The following PUS10 variants were observed in gnomAD, a reference collection of about 807,000 sequenced individuals.
The protein encoded by PUS10 is tRNA pseudouridine synthase Pus10.
In PUS10, 59 loss-of-function variants were observed where a neutral mutation model predicts 75.0. The observed-to-expected ratio is 0.79, with a 90% CI of 0.64 to 0.98. The LOEUF (loss-of-function observed/expected upper bound fraction) is 0.98. Among genes scored for constraint, PUS10 ranks in the 50% least tolerant of loss-of-function variants. The pLI, the probability that PUS10 is intolerant of heterozygous loss-of-function variation, is 0.00. For missense variants in PUS10, 650 were observed against 614.4 expected (o/e 1.06, Z -0.61); for synonymous variants, 219 against 211.6 (o/e 1.03, Z -0.30).
chr2:60,945,142 A>T lies in PUS10; in HGVS notation c.1452-34T>A, dbSNP rs1420056807. On this transcript the variant is annotated intron_variant, in intron 16 of 17. Transcript: ENST00000316752. ...TGTTTAAGGAAAAAATGAAGACAGC[A>T]TGCTGTACCAACTATTTGGTAAGAT... 2.3e-6 allele frequency: 3 copies of T among 1,318,210 alleles called. No homozygotes were observed. In the Admixed American group the frequency reaches 5.1e-5, roughly 22 times the overall value. 81.7% of individuals were successfully genotyped at this position (1,318,210 alleles called of 1,614,324 possible).
At chr2:60,954,721 AAATT>A (rs1357147522) in intron 12 of PUS10, among the ~76,000 whole-genome samples, 1 of 152,238 alleles carries the variant, frequency 6.6e-6, no homozygotes, top group Non-Finnish European at 1.5e-5. Context: ...TTAAATGAAA[AAATT>A]AATAATCAAA....
At chr2:60,993,323 G>A (rs375752852) in intron 4 of PUS10, among the ~76,000 whole-genome samples, 31 of 152,098 alleles carry the variant, frequency 2.0e-4, no homozygotes, top group African/African-American at 6.7e-4. Context: ...CAGGTGTGGC[G>A]GCACATGGCT....
intron 3 of PUS10, among the ~76,000 whole-genome samples, chr2:61,007,056 G>A (rs2104696553): frequency 6.6e-6 from 1 of 152,178 alleles, no homozygotes; most frequent in African/African-American, 2.4e-5. Context: ...AACTAGAAAT[G>A]AACTTTTCTG....
At chr2:60,960,343 C>CA (rs375391646) in intron 11 of PUS10, 49 bp downstream of exon 11, 202,563 of 1,131,282 alleles carry the variant, frequency 0.18, 2,758 homozygotes, top group Non-Finnish European at 0.19. Flanking sequence ...GCCCCTATCT[C>CA]AAAAAAAAAA....
chr2:60,997,144 T>C lies in PUS10; in HGVS notation c.468+9413A>G, dbSNP rs868656662. Among the ~76,000 whole-genome samples the C allele has an allele frequency of 9.2e-5, 14 of 152,294 alleles. No individual in the cohort carries two copies. The South Asian group carries it at 1.7e-3, about 18-fold the overall frequency. On this transcript the variant is annotated intron_variant, in intron 4 of 17. Transcript: ENST00000316752. ...GTTACCTTTGATAAGATAGAGTGGATTGCTGCATGAACACACTCATTTCCT... is the reference window on the plus strand; with the variant it reads ...GTTACCTTTGATAAGATAGAGTGGACTGCTGCATGAACACACTCATTTCCT...
rs1180121721 is a variant in PUS10, at chr2:60,948,081, C to G, written c.1413G>C (p.Glu471Asp). The change falls in exon 16 of 18, where the codon GAG becomes GAC. Residue 471 changes from glutamate to aspartate, a missense_variant. Transcript: ENST00000316752. The stretch of plus-strand genomic sequence containing the variant: ...TTTTCAAGTGGAGGCGGAAGTGGTG[C>G]TCATCCACGTACTGTGTCTCCATGA... ...IHFMETQYVD[E>D]HHFRLHLKTQ... 1.9e-5 allele frequency: 31 copies of G among 1,614,130 alleles called. No individual in the cohort carries two copies. The highest frequency in any genetic ancestry group is 2.6e-5 in the Non-Finnish European group (31 of 1,180,006).
chr2:60,971,646 A>G, intron 4 of PUS10, 89 bp from the exon 5 acceptor site: 1 of 1,214,988 alleles, frequency 8.2e-7, no homozygotes, highest in Non-Finnish European at 1.2e-6. Flanking sequence ...GAAGTGCTTA[A>G]CTATTTGCTA....
At chr2:60,956,869 G>T (rs1274957994) in intron 11 of PUS10, among the ~76,000 whole-genome samples, 1 of 151,114 alleles carries the variant, frequency 6.6e-6, no homozygotes, top group Non-Finnish European at 1.5e-5. Context: ...CAGCTACTTG[G>T]GAGGCTGAGG....
chr2:61,015,163 T>C (rs1679884929), intron 1 of PUS10, among the ~76,000 whole-genome samples: 1 of 152,136 alleles, frequency 6.6e-6, no homozygotes, highest in South Asian at 2.1e-4. Context: ...CTCCAGGGTA[T>C]TTTCAAGAAA....
At chr2:60,946,037 A>C (rs377671547) in intron 16 of PUS10, among the ~76,000 whole-genome samples, 14 of 152,184 alleles carry the variant, frequency 9.2e-5, no homozygotes, top group East Asian at 7.7e-4. Flanking sequence ...ACCTTTGCCA[A>C]ATGTTTTGAC....
intron 4 of PUS10, among the ~76,000 whole-genome samples, chr2:60,990,943 G>C (rs1482519721): frequency 6.6e-6 from 1 of 152,096 alleles, no homozygotes; most frequent in East Asian, 1.9e-4. Flanking sequence ...ATGAGGTCTT[G>C]TTATGCTGCC....
At chr2:60,987,538 T>C (rs768424078) in intron 4 of PUS10, among the ~76,000 whole-genome samples, 6 of 152,086 alleles carry the variant, frequency 3.9e-5, no homozygotes, top group African/African-American at 9.7e-5. Flanking sequence ...AAAGCTTTGG[T>C]GTGTGGGAAA....
chr2:61,011,453 G>T (rs969365238), intron 2 of PUS10, among the ~76,000 whole-genome samples: 1 of 152,142 alleles, frequency 6.6e-6, no homozygotes, highest in Non-Finnish European at 1.5e-5. Flanking sequence ...CTCCTGGGAG[G>T]AAGCAATATT....
chr2:60,947,950 C>T, intron 16 of PUS10, 93 bp downstream of exon 16: 1 of 1,389,062 alleles, frequency 7.2e-7, no homozygotes, highest in East Asian at 2.3e-5. Context: ...CCGAATCCCT[C>T]CCAGACCAAG....
intron 4 of PUS10, among the ~76,000 whole-genome samples, chr2:60,993,953 C>A (rs1336672781): frequency 6.6e-6 from 1 of 152,024 alleles, no homozygotes; most frequent in African/African-American, 2.4e-5. Flanking sequence ...CCAAGCCTGG[C>A]AAATTTTTTG....
intron 1 of PUS10, among the ~76,000 whole-genome samples, chr2:61,016,967 T>G (rs1315892822): frequency 1.3e-5 from 2 of 151,832 alleles, no homozygotes; most frequent in Non-Finnish European, 2.9e-5. Flanking sequence ...GAAAAGTTCA[T>G]CCCGAGATCT....
At chr2:60,957,315 C>T (rs1453797839) in intron 11 of PUS10, among the ~76,000 whole-genome samples, 1 of 152,162 alleles carries the variant, frequency 6.6e-6, no homozygotes, top group Non-Finnish European at 1.5e-5. Context: ...GCCTGGAACG[C>T]GATGCACAAG....
chr2:61,003,594 G>A (rs935005375), intron 4 of PUS10, among the ~76,000 whole-genome samples: 16 of 150,760 alleles, frequency 1.1e-4, no homozygotes, highest in Non-Finnish European at 1.0e-4. Context: ...ACCCAGGCTA[G>A]AGTACAGTGG....
chr2:60,997,422 AAC>A, intron 4 of PUS10, among the ~76,000 whole-genome samples: 1 of 152,120 alleles, frequency 6.6e-6, no homozygotes, highest in East Asian at 1.9e-4. Context: ...CATCCTGGCT[AAC>A]ACAGTGAAAC....
Sources: allele counts gnomAD v4.1 joint callset (sites outside exome capture counted in the v4.1 genomes callset), GRCh38; gene constraint gnomAD v4.1.1; transcripts MANE v1.5; gene names NCBI Gene and HGNC (gene_info 2026-07-23, HGNC 2026-07-21).